A1CF: variants seen among roughly 807,000 people sequenced by gnomAD.
A1CF encodes APOBEC-1 stimulating protein.
Under a neutral mutation model 68.9 loss-of-function variants are expected in A1CF, and 48 were observed. The ratio of observed to expected loss-of-function variants is 0.70; its 90% CI spans 0.55 to 0.89. The LOEUF is 0.89. A1CF is among the 40% of genes least tolerant of loss of function. The probability of loss-of-function intolerance (pLI) is 0.00; values close to 1 mark genes in which losing one functional copy is unlikely to be tolerated. For missense variants in A1CF, 653 were observed against 718.9 expected (o/e 0.91, Z 1.05); for synonymous variants, 272 against 260.4 (o/e 1.04, Z -0.43).
At chr10:50,860,561 GCTTTTGACTTGACGTGGGA>G (rs1440114147) in intron 2 of A1CF, among the ~76,000 whole-genome samples, 2 of 152,128 alleles carry the variant, frequency 1.3e-5, no homozygotes, top group Non-Finnish European at 2.9e-5. Flanking sequence ...AACAATGGAT[GCTTTTGACTTGACGTGGGA>G]AGGGTTTGCT....
chr10:50,842,287 A>G (rs1024771994), intron 4 of A1CF, among the ~76,000 whole-genome samples: 13 of 152,258 alleles, frequency 8.5e-5, no homozygotes, highest in East Asian at 3.8e-4. Context: ...CTTTTATCAC[A>G]TAATTATCTG....
intron 3 of A1CF, among the ~76,000 whole-genome samples, chr10:50,854,662 C>T (rs1165498923): frequency 1.3e-5 from 2 of 151,774 alleles, no homozygotes; most frequent in African/African-American, 4.8e-5. Flanking sequence ...TTTCATTTCA[C>T]CCACTTTATA....
chr10:50,809,704 G>A (rs1016920572), intron 12 of A1CF, among the ~76,000 whole-genome samples, 190 bp downstream of exon 12: 6 of 152,178 alleles, frequency 3.9e-5, no homozygotes, highest in Non-Finnish European at 8.8e-5. Context: ...CCACTCTGCT[G>A]CCCAGCTTGA....
At chr10:50,836,468 T>G (rs1349333802) in intron 5 of A1CF, among the ~76,000 whole-genome samples, 156 bp from the exon 6 acceptor site, 1 of 152,152 alleles carries the variant, frequency 6.6e-6, no homozygotes, top group Non-Finnish European at 1.5e-5. Context: ...TTTGCAAGAT[T>G]ATTAGATGTG....
chr10:50,816,956 A>T (rs1301458871), intron 8 of A1CF, among the ~76,000 whole-genome samples: 1 of 152,188 alleles, frequency 6.6e-6, no homozygotes, highest in Non-Finnish European at 1.5e-5. Context: ...GAGCTAATAA[A>T]CAGGGATGAC....
At chr10:50,812,870 G>A (rs1838183613) in intron 10 of A1CF, among the ~76,000 whole-genome samples, 1 of 152,130 alleles carries the variant, frequency 6.6e-6, no homozygotes, top group South Asian at 2.1e-4. Flanking sequence ...AGTCTGATAG[G>A]CATTTTTTTT....
chr10:50,836,394 G>A (rs1192042101), intron 5 of A1CF, 82 bp from the exon 6 acceptor site: 10 of 1,442,236 alleles, frequency 6.9e-6, no homozygotes, highest in African/African-American at 1.4e-5. Context: ...GCCAAATGTT[G>A]CCTGAAGATG....
At chr10:50,814,474 C>A (rs1223443458) in intron 9 of A1CF, among the ~76,000 whole-genome samples, 4 of 152,154 alleles carry the variant, frequency 2.6e-5, no homozygotes, top group African/African-American at 9.7e-5. Context: ...TGTCACTGAT[C>A]AGTATATCAG....
rs551869430 is a variant in A1CF, at chr10:50,805,863, T to C, written c.*866A>G. 3.3e-5 allele frequency: 5 copies of C among 152,332 alleles called. No individual in the cohort carries two copies. Among genetic ancestry groups the C allele is most frequent in the African/African-American group, 1.2e-4 (5 of 41,582 alleles). The allele number at this position is 152,332 out of a possible 1,614,324, so 9.4% of individuals were successfully genotyped here. On this transcript the variant is annotated 3_prime_UTR_variant, in exon 13 of 13. Coordinates refer to ENST00000373997, the MANE Select transcript of A1CF (RefSeq NM_014576.4). The stretch of plus-strand genomic sequence containing the variant: ...CATAAATGATATTCTGTATATCTGA[T>C]TTACTTTTTTATGATATTAGGTAGG...
At position 50,799,614 on chromosome 10, in the gene A1CF, C is replaced by T. The variant is rs180848500; in HGVS notation, c.*7115G>A. 8 of 152,114 alleles carry T rather than the reference C, an allele frequency of 5.3e-5. No individual in the cohort carries two copies. In the East Asian group the frequency reaches 1.5e-3, roughly 29 times the overall value. The allele number at this position is 152,114 out of a possible 1,614,324, so 9.4% of individuals were successfully genotyped here. A position where few individuals can be genotyped will look rare whatever the true frequency, so the allele number is the denominator to read the frequency against. On this transcript the variant is annotated 3_prime_UTR_variant, in exon 13 of 13. Transcript: ENST00000373997. ...TTACTTAATATATTTAGATAGATCACAAAGTTCTATAAAACATTGTACTAA... is the reference window on the plus strand; with the variant it reads ...TTACTTAATATATTTAGATAGATCATAAAGTTCTATAAAACATTGTACTAA...
Position 50,850,839 on chromosome 10 carries a change from T to A in A1CF, c.100-6717A>T. The A allele has an allele frequency of 3.2e-6, 5 of 1,587,112 alleles. No homozygotes were observed. The South Asian group carries it at 5.7e-5, about 18-fold the overall frequency. ...AGAAGTAATTAGGTGACAGCTTTAG[T>A]CATTCCTTAATCCGTTTGGAGCTTT... On this transcript the variant is annotated intron_variant, in intron 3 of 12. Coordinates refer to ENST00000373997, the MANE Select transcript of A1CF (RefSeq NM_014576.4).
intron 12 of A1CF, among the ~76,000 whole-genome samples, chr10:50,809,140 T>C (rs1162126350): frequency 1.3e-5 from 2 of 152,118 alleles, no homozygotes; most frequent in Non-Finnish European, 2.9e-5. Flanking sequence ...ACATAACAAA[T>C]GGGGACAAAT....
intron 3 of A1CF, among the ~76,000 whole-genome samples, chr10:50,858,003 T>C (rs1299764074): frequency 6.6e-6 from 1 of 152,160 alleles, no homozygotes; most frequent in Non-Finnish European, 1.5e-5. Flanking sequence ...AAACTTTCCT[T>C]TACCATTTTC....
chr10:50,824,943 G>A (rs1353405327), intron 7 of A1CF, among the ~76,000 whole-genome samples: 1 of 152,150 alleles, frequency 6.6e-6, no homozygotes, highest in Non-Finnish European at 1.5e-5. Context: ...CACACAGTAA[G>A]GTGGTCCATC....
intron 12 of A1CF, among the ~76,000 whole-genome samples, chr10:50,807,768 AG>A (rs1388482568): frequency 6.6e-6 from 1 of 152,232 alleles, no homozygotes; most frequent in African/African-American, 2.4e-5. Flanking sequence ...CAAGAAAAAG[AG>A]AGAAGTATAC....
intron 3 of A1CF, among the ~76,000 whole-genome samples, chr10:50,855,447 A>G (rs1366459902): frequency 6.6e-6 from 1 of 151,954 alleles, no homozygotes; most frequent in Non-Finnish European, 1.5e-5. Context: ...TAGTAATATT[A>G]TACAATTTTC....
intron 4 of A1CF, 118 bp from the exon 5 acceptor site, chr10:50,842,110 C>A (rs1340436178): frequency 2.2e-6 from 2 of 899,672 alleles, no homozygotes; most frequent in Non-Finnish European, 3.3e-6. Flanking sequence ...AAGTTTGCCT[C>A]CTGCCAGTAC....
chr10:50,800,285 A>G lies in A1CF; in HGVS notation c.*6444T>C, dbSNP rs1329365574. ...AACCTTTTTCTCCTTCTATTTTTGC[A>G]TAGTCCTTTATATTTCTCCTGGGGG... On this transcript the variant is annotated 3_prime_UTR_variant, in exon 13 of 13. Transcript: ENST00000373997. 6.6e-6 allele frequency: 1 copy of G among 152,046 alleles called. No individual in the cohort carries two copies. Among genetic ancestry groups the G allele is most frequent in the Non-Finnish European group, 1.5e-5 (1 of 67,976 alleles). The allele number at this position is 152,046 out of a possible 1,614,324, so 9.4% of individuals were successfully genotyped here.
intron 1 of A1CF, among the ~76,000 whole-genome samples, chr10:50,877,107 GA>G: frequency 6.6e-6 from 1 of 152,150 alleles, no homozygotes; most frequent in East Asian, 1.9e-4. Context: ...AGAAATTATA[GA>G]ATGACATGGC....
Sources: allele counts gnomAD v4.1 joint callset (sites outside exome capture counted in the v4.1 genomes callset), GRCh38; gene constraint gnomAD v4.1.1; transcripts MANE v1.5; gene names NCBI Gene and HGNC (gene_info 2026-07-23, HGNC 2026-07-21).